A1BG: variants seen among roughly 807,000 people sequenced by gnomAD.
A1BG encodes alpha-1-B glycoprotein.
Under a neutral mutation model 46.0 loss-of-function variants are expected in A1BG, and 44 were observed. The ratio of observed to expected loss-of-function variants is 0.96; its 90% CI spans 0.75 to 1.23. A1BG has a LOEUF of 1.23. A1BG is among the 50% of genes most tolerant of loss of function. A1BG has a pLI of 0.00. For missense variants in A1BG, 707 were observed against 688.8 expected (o/e 1.03, Z -0.30); for synonymous variants, 316 against 314.7 (o/e 1.00, Z -0.04).
chr19:58,352,759 G>T, intron 3 of A1BG, 169 bp downstream of exon 3: 2 of 1,200,728 alleles, frequency 1.7e-6, no homozygotes, highest in Non-Finnish European at 2.3e-6. Flanking sequence ...TGCCGGGCCT[G>T]CTGGGGACAC....
Position 58,346,929 on chromosome 19 carries a change from C to T in A1BG, c.*93G>A. ...GAGGCTTCTCCAGCCCCCCAGAGACCCCGGCCTTGTGCTGCAACAGGAGGG... is the reference window on the plus strand; with the variant it reads ...GAGGCTTCTCCAGCCCCCCAGAGACTCCGGCCTTGTGCTGCAACAGGAGGG... On this transcript the variant is annotated 3_prime_UTR_variant, in exon 8 of 8. Transcript: ENST00000263100. The T allele has an allele frequency of 7.2e-7, 1 of 1,390,182 alleles. No individual in the cohort carries two copies. Among genetic ancestry groups the T allele is most frequent in the Non-Finnish European group, 1.0e-6 (1 of 976,180 alleles). 86.1% of individuals were successfully genotyped at this position (1,390,182 alleles called of 1,614,324 possible). A position where few individuals can be genotyped will look rare whatever the true frequency, so the allele number is the denominator to read the frequency against.
chr19:58,347,269 C>T (rs1600502005), intron 7 of A1BG, 84 bp downstream of exon 7: 2 of 1,573,498 alleles, frequency 1.3e-6, no homozygotes, highest in Non-Finnish European at 1.7e-6. Context: ...AGGGAGGAGC[C>T]GGGAGAGGCC....
At chr19:58,352,829 C>T in intron 3 of A1BG, 99 bp downstream of exon 3, 1 of 1,483,010 alleles carries the variant, frequency 6.7e-7, no homozygotes, top group Non-Finnish European at 9.0e-7. Context: ...AAGATTGGGG[C>T]TTGGGGCTCA....
intron 6 of A1BG, 180 bp from the exon 7 acceptor site, chr19:58,347,820 C>T (rs1190749123): frequency 8.2e-6 from 3 of 364,564 alleles, no homozygotes; most frequent in Non-Finnish European, 1.4e-5. Flanking sequence ...CCGCTGCCTT[C>T]ACACCCCGGA....
Position 58,352,366 on chromosome 19 carries a change from G to T in A1BG, c.530C>A (p.Pro177His). The T allele has an allele frequency of 1.9e-6, 3 of 1,614,044 alleles. No individual in the cohort carries two copies. The highest frequency in any genetic ancestry group is 2.5e-6 in the Non-Finnish European group (3 of 1,180,034). The change falls in exon 4 of 8, where the codon CCT becomes CAT. Residue 177 changes from proline (P) to histidine (H), a missense_variant. Coordinates refer to ENST00000263100, the MANE Select transcript of A1BG (RefSeq NM_130786.4). The part of the protein sequence containing the change: ...DVEATFPVHQ[P>H]GNYSCSYRTD... ...CCGGTAGCTGCAGCTGTAGTTGCCAGGCTGATGGACTGGAAAGGTGGCCTC... is the reference window on the plus strand; with the variant it reads ...CCGGTAGCTGCAGCTGTAGTTGCCATGCTGATGGACTGGAAAGGTGGCCTC...
At position 58,350,614 on chromosome 19, in the gene A1BG, C is replaced by A; in HGVS notation, c.948G>T (p.Glu316Asp). The change falls in exon 6 of 8, where the codon GAG becomes GAT. Residue 316 changes from glutamate (E) to aspartate (D), a missense_variant. Glu to Asp is a conservative substitution (Grantham distance 45, BLOSUM62 2). Coordinates refer to ENST00000263100, the MANE Select transcript of A1BG (RefSeq NM_130786.4). ...LPAPEFSPEPESGRALRLRCL... is the reference protein window; with the variant it reads ...LPAPEFSPEPDSGRALRLRCL... Reference sequence around the variant, plus strand: ...ACCGCAGCCGCAAGGCCCTGCCGGACTCCGGCTCCGGGGAGAACTCCGGCG... The same window carrying A: ...ACCGCAGCCGCAAGGCCCTGCCGGAATCCGGCTCCGGGGAGAACTCCGGCG... 1 of 1,448,176 alleles carries A rather than the reference C, an allele frequency of 6.9e-7. No homozygotes were observed. The highest frequency in any genetic ancestry group is 1.4e-5 in the South Asian group (1 of 69,328). The allele number at this position is 1,448,176 out of a possible 1,614,324, so 89.7% of individuals were successfully genotyped here.
At chr19:58,351,892 T>C in intron 4 of A1BG, 1 of 699,744 alleles carries the variant, frequency 1.4e-6, no homozygotes, top group Non-Finnish European at 2.3e-6. Flanking sequence ...GCCTCCCAGG[T>C]TCAAGGGATT....
At chr19:58,350,152 C>T (rs1198017968) in intron 6 of A1BG, 5 of 582,664 alleles carry the variant, frequency 8.6e-6, no homozygotes, top group African/African-American at 2.0e-5. Context: ...CCACGCTACA[C>T]GTGACCTACG....
chr19:58,352,570 G>A lies in A1BG; in HGVS notation c.341-15C>T, dbSNP rs766539685. On this transcript the variant is annotated splice_polypyrimidine_tract_variant and intron_variant, in intron 3 of 7. Coordinates refer to ENST00000263100, the MANE Select transcript of A1BG (RefSeq NM_130786.4). ...AGGCAAGGACTCTGTGGGTGGGGTGGAGTTGAAGAGTGCTTCTGCATAACA... is the reference window on the plus strand; with the variant it reads ...AGGCAAGGACTCTGTGGGTGGGGTGAAGTTGAAGAGTGCTTCTGCATAACA... 3 of 1,601,860 alleles carry A rather than the reference G, an allele frequency of 1.9e-6. No homozygotes were observed. In the African/African-American group the frequency reaches 4.0e-5, roughly 21 times the overall value.
chr19:58,352,563 T>G lies in A1BG; in HGVS notation c.341-8A>C, dbSNP rs767846542. 2 of 1,597,312 alleles carry G rather than the reference T, an allele frequency of 1.3e-6. No homozygotes were observed. Among genetic ancestry groups the G allele is most frequent in the African/African-American group, 2.8e-5 (2 of 71,966 alleles). ...AGGGAGCAGGCAAGGACTCTGTGGG[T>G]GGGGTGGAGTTGAAGAGTGCTTCTG... On this transcript the variant is annotated splice_polypyrimidine_tract_variant and splice_region_variant and intron_variant, in intron 3 of 7. Coordinates refer to ENST00000263100, the MANE Select transcript of A1BG (RefSeq NM_130786.4).
rs777706453 is a variant in A1BG, at chr19:58,352,500, G to A, written c.396C>T (p.Gly132=). The A allele has an allele frequency of 2.5e-6, 4 of 1,613,034 alleles. No homozygotes were observed. The highest frequency in any genetic ancestry group is 3.3e-5 in the Admixed American group (2 of 60,008). The change falls in exon 4 of 8, where the codon GGC becomes GGT. Residue 132 remains glycine (G), a synonymous_variant. Transcript: ENST00000263100. ...SMAPVSWITP[G]LKTTAVCRGV... is the part of the protein sequence containing the mutation. The stretch of plus-strand genomic sequence containing the variant: ...CTCGGCACACTGCTGTTGTTTTCAG[G>A]CCGGGGGTGATCCAGGACACTGGCG...
chr19:58,350,248 G>C (rs1339256007), intron 6 of A1BG, 122 bp downstream of exon 6: 1 of 1,263,788 alleles, frequency 7.9e-7, no homozygotes, highest in African/African-American at 1.6e-5. Context: ...CGGGGTAGGC[G>C]ATGGGGGCTG....
chr19:58,351,666 A>G lies in A1BG; in HGVS notation c.635T>C (p.Leu212Pro). 6.2e-7 allele frequency: 1 copy of G among 1,602,462 alleles called. No individual in the cohort carries two copies. Among genetic ancestry groups the G allele is most frequent in the Non-Finnish European group, 8.5e-7 (1 of 1,175,004 alleles). The change falls in exon 5 of 8, where the codon CTG becomes CCG. Residue 212 changes from leucine (L) to proline (P), a missense_variant. Leu to Pro is a moderately conservative substitution (Grantham distance 98). Coordinates refer to ENST00000263100, the MANE Select transcript of A1BG (RefSeq NM_130786.4). ...CTGGGAGGACTCTCCATGGTGCATCAGCACAGGCGGTGGTGGTGCAGCTGC... is the reference window on the plus strand; with the variant it reads ...CTGGGAGGACTCTCCATGGTGCATCGGCACAGGCGGTGGTGGTGCAGCTGC... Reference protein sequence around the residue: ...EELAAPPPPVLMHHGESSQVL... With the variant: ...EELAAPPPPVPMHHGESSQVL...
chr19:58,350,102 G>T, intron 6 of A1BG: 1 of 471,812 alleles, frequency 2.1e-6, no homozygotes, highest in Non-Finnish European at 3.7e-6. Context: ...GCAGGGATCT[G>T]AACAAGAAAA....
In A1BG at chr19:58,346,635, G is replaced by C. The variant is rs556927137; in HGVS notation, c.*387C>G. ...CTTGGGAGGCTGAGGCAGGAGGATC[G>C]CTTGAGCCTGGGAGGTCAAAACTGC... On this transcript the variant is annotated 3_prime_UTR_variant, in exon 8 of 8. Coordinates refer to ENST00000263100, the MANE Select transcript of A1BG (RefSeq NM_130786.4). 1 of 276,506 alleles carries C rather than the reference G, an allele frequency of 3.6e-6. No homozygotes were observed. The highest frequency in any genetic ancestry group is 2.3e-5 in the African/African-American group (1 of 43,702). The allele number at this position is 276,506 out of a possible 1,614,324, so 17.1% of individuals were successfully genotyped here.
intron 6 of A1BG, chr19:58,348,754 C>T (rs1370607835): frequency 6.6e-6 from 1 of 152,210 alleles, no homozygotes. Context: ...TAGATATACA[C>T]ATCCTAGTTT....
chr19:58,350,288 G>C, intron 6 of A1BG, 82 bp downstream of exon 6: 1 of 1,436,828 alleles, frequency 7.0e-7, no homozygotes, highest in South Asian at 1.5e-5. Flanking sequence ...GCCGTCGGAC[G>C]CCCAAGGAAA....
intron 7 of A1BG, 118 bp downstream of exon 7, chr19:58,347,235 C>A (rs1001003416): frequency 7.3e-7 from 1 of 1,362,178 alleles, no homozygotes; most frequent in Admixed American, 2.8e-5. Context: ...CCTGGGGAGA[C>A]CCAGCGCTAA....
chr19:58,353,243 T>TC lies in A1BG; in HGVS notation c.71-47dup, dbSNP rs376066726. The TC allele has an allele frequency of 3.1e-4, 498 of 1,611,846 alleles. 2 individuals carry two copies. The South Asian group carries it at 3.7e-3, about 12-fold the overall frequency. ...CAGCTCAGTGCCACAGAGACAGGGC[T>TC]CCCCCCCGGCCTGGGCCCACCATTC... On this transcript the variant is annotated intron_variant, in intron 2 of 7. Transcript: ENST00000263100.
Sources: gnomAD v4.1 joint callset for allele counts on GRCh38, gnomAD v4.1.1 for gene constraint, MANE v1.5 for transcripts, NCBI Gene and HGNC (gene_info 2026-07-23, HGNC 2026-07-21) for gene names.